Variants in MED23 observed in about 807,000 individuals in gnomAD.
MED23 encodes mediator complex subunit 23.
Under a neutral mutation model 163.9 loss-of-function variants are expected in MED23, and 105 were observed. The ratio of observed to expected loss-of-function variants is 0.64; its 90% CI spans 0.55 to 0.75. The LOEUF is 0.75. MED23 is among the 30% of genes least tolerant of loss of function. MED23 has a pLI of 0.00. For missense variants in MED23, 1,054 were observed against 1,649.0 expected, an observed-to-expected ratio of 0.64 and a Z score of 6.25; for synonymous variants, 561 against 565.6, an observed-to-expected ratio of 0.99 and a Z score of 0.12.
downstream of MED23, among the ~76,000 whole-genome samples, chr6:131,585,951 C>T (rs1774160648): frequency 6.6e-6 from 1 of 152,174 alleles, no homozygotes; most frequent in Non-Finnish European, 1.5e-5. Context: ...TTCATTTCCT[C>T]TATTGTTTGT....
At chr6:131,574,036 T>A in exon 31 of MED23, 1 of 528,822 alleles carries the variant, frequency 1.9e-6, no homozygotes, top group Non-Finnish European at 3.4e-6. Context: ...GAGCTGTGAA[T>A]CCACACATGC....
chr6:131,624,536 A>G (rs1187340791), intron 4 of MED23, among the ~76,000 whole-genome samples: 1 of 152,218 alleles, frequency 6.6e-6, no homozygotes, highest in Non-Finnish European at 1.5e-5. Context: ...GTCAACCACT[A>G]AAACCATGAA....
Position 131,628,206 on chromosome 6 carries a change from C to A in MED23, c.-157G>T. On this transcript the variant is annotated 5_prime_UTR_variant, in exon 1 of 29. Coordinates refer to ENST00000368068, the MANE Select transcript of MED23 (RefSeq NM_004830.4). ...AGCGCTTTACCTGGAGCGTTCCCTC[C>A]CGAGCCCAGCCAACAGCAGGAACCT... 2.5e-6 allele frequency: 2 copies of A among 804,916 alleles called. No individual in the cohort carries two copies. Among genetic ancestry groups the A allele is most frequent in the Non-Finnish European group, 4.2e-6 (2 of 480,678 alleles). 49.9% of individuals were successfully genotyped at this position (804,916 alleles called of 1,614,324 possible).
At chr6:131,608,430 A>G (rs1776017237) in intron 11 of MED23, among the ~76,000 whole-genome samples, 1 of 152,144 alleles carries the variant, frequency 6.6e-6, no homozygotes, top group Admixed American at 6.6e-5. Context: ...TTCTTATTTT[A>G]AAAATCTCAT....
intron 25 of MED23, 176 bp from the exon 26 acceptor site, chr6:131,591,703 T>A (rs969341195): frequency 6.3e-6 from 4 of 637,828 alleles, no homozygotes; most frequent in African/African-American, 5.4e-5. Flanking sequence ...CTGGGAGAAG[T>A]AACTGTGAGT....
At chr6:131,577,624 G>A (rs1246779763) in intron 30 of MED23, among the ~76,000 whole-genome samples, 1 of 151,814 alleles carries the variant, frequency 6.6e-6, no homozygotes, top group African/African-American at 2.4e-5. Context: ...TGGACTGGTC[G>A]GGCACGGTGG....
chr6:131,574,417 TTG>T, intron 30 of MED23: 1 of 1,088,784 alleles, frequency 9.2e-7, no homozygotes. Context: ...CAGGGACATT[TTG>T]CTGACACAGA....
rs1774422192 is a variant in MED23 at position 131,589,404 on chromosome 6, C to T, written c.3939+61G>A. ...TCACCCAAACCAAAAAAGTCTATTA[C>T]TATATGTTCAAGTTTTCTAAATTAA... On this transcript the variant is annotated intron_variant, in intron 28 of 28. Coordinates refer to ENST00000368068, the MANE Select transcript of MED23 (RefSeq NM_004830.4). 5.4e-6 allele frequency: 8 copies of T among 1,485,702 alleles called. No individual in the cohort carries two copies. The African/African-American group carries it at 7.0e-5, about 13-fold the overall frequency. 92.0% of individuals were successfully genotyped at this position (1,485,702 alleles called of 1,614,324 possible).
At chr6:131,608,093 A>T in intron 11 of MED23, 22 bp from the exon 12 acceptor site, 1 of 1,612,576 alleles carries the variant, frequency 6.2e-7, no homozygotes, top group Non-Finnish European at 8.5e-7. Context: ...GTTTAAATAC[A>T]CATGTATACA....
At chr6:131,625,885 G>A (rs1777451823) in intron 3 of MED23, among the ~76,000 whole-genome samples, 1 of 152,028 alleles carries the variant, frequency 6.6e-6, no homozygotes, top group Admixed American at 6.6e-5. Context: ...CACTTTGGGA[G>A]GCCGAGGTGG....
chr6:131,620,804 ATTTTT>A (rs763118261), intron 6 of MED23, 75 bp from the exon 7 acceptor site: 7 of 669,196 alleles, frequency 1.0e-5, no homozygotes, highest in Admixed American at 3.2e-5. Flanking sequence ...TATTATCATT[ATTTTT>A]TTTTTTTTTT....
At chr6:131,618,725 G>T (rs1334503246) in intron 8 of MED23, among the ~76,000 whole-genome samples, 1 of 152,190 alleles carries the variant, frequency 6.6e-6, no homozygotes, top group Non-Finnish European at 1.5e-5. Context: ...GCTTTCCAAA[G>T]TTGAAAATAT....
chr6:131,614,104 C>T (rs1457715328), intron 10 of MED23, among the ~76,000 whole-genome samples: 1 of 152,106 alleles, frequency 6.6e-6, no homozygotes, highest in East Asian at 1.9e-4. Context: ...GAATTAATGA[C>T]TTGGTATTTA....
chr6:131,624,756 C>T, intron 4 of MED23, 109 bp downstream of exon 4: 1 of 1,249,082 alleles, frequency 8.0e-7, no homozygotes, highest in South Asian at 1.2e-5. Flanking sequence ...CTTGATAAAC[C>T]TCACCTTCTT....
At chr6:131,590,204 G>T in intron 27 of MED23, 118 bp downstream of exon 27, 1 of 961,060 alleles carries the variant, frequency 1.0e-6, no homozygotes, top group Non-Finnish European at 1.6e-6. Context: ...CTTGGATCCT[G>T]TTAAACTAGT....
downstream of MED23, among the ~76,000 whole-genome samples, chr6:131,586,220 C>G (rs1417384667): frequency 1.3e-5 from 2 of 151,984 alleles, no homozygotes; most frequent in Admixed American, 1.3e-4. Context: ...CAGTGAAACC[C>G]CGTCTCTACT....
In MED23 at chr6:131,602,260, G is replaced by C. The variant is rs200807237; in HGVS notation, c.2053C>G (p.Arg685Gly). ...CTAGCCAAGGTCAATATCAAGGCTC[G>C]GTTCAGTTCTTCAGATTCTGCTGAG... ...VLSAESEELN[R>G]ALILTLARAT... The change falls in exon 17 of 29, where the codon CGA (arginine) becomes GGA (glycine). Residue 685 changes from arginine to glycine, a missense_variant. Coordinates refer to ENST00000368068, the MANE Select transcript of MED23 (RefSeq NM_004830.4). 2 of 1,613,872 alleles carry C rather than the reference G, an allele frequency of 1.2e-6. No homozygotes were observed. The highest frequency in any genetic ancestry group is 2.2e-5 in the East Asian group (1 of 44,862).
At chr6:131,617,590 G>A (rs932494007) in intron 9 of MED23, among the ~76,000 whole-genome samples, 5 of 151,704 alleles carry the variant, frequency 3.3e-5, no homozygotes, top group African/African-American at 1.2e-4. Flanking sequence ...CTGGGAAAGG[G>A]GTCTGAGTAC....
rs1350973995 is a variant in MED23, at chr6:131,628,070, T to C, written c.-21A>G. ...TCCATCTGTACTATCACCCCCGCCT[T>C]TCCAGGGTGCCCGGCAAGGCCCGGA... On this transcript the variant is annotated 5_prime_UTR_variant, in exon 1 of 29. Transcript: ENST00000368068. 6 of 1,613,780 alleles carry C rather than the reference T, an allele frequency of 3.7e-6. No individual in the cohort carries two copies. Among genetic ancestry groups the C allele is most frequent in the Admixed American group, 1.7e-5 (1 of 60,016 alleles).
Sources: allele counts gnomAD v4.1 joint callset (sites outside exome capture counted in the v4.1 genomes callset), GRCh38; gene constraint gnomAD v4.1.1; transcripts MANE v1.5; gene names NCBI Gene and HGNC (gene_info 2026-07-23, HGNC 2026-07-21).